The following DSCAML1 variants were observed in gnomAD, a reference collection of about 807,000 sequenced individuals.
The protein encoded by DSCAML1 is DS cell adhesion molecule like 1.
DSCAML1 carries 38 observed loss-of-function variants against 200.5 expected under a neutral mutation model. The ratio of observed to expected loss-of-function variants is 0.19; its 90% CI spans 0.15 to 0.25. The LOEUF is 0.25. DSCAML1 is among the 10% of genes least tolerant of loss of function. The pLI is 1.00. For synonymous variants in DSCAML1, 1,215 were observed against 1,165.0 expected, an observed-to-expected ratio of 1.04 and a Z score of -0.87; for missense variants, 2,223 against 2,858.8, an observed-to-expected ratio of 0.78 and a Z score of 5.07.
Position 117,469,182 on chromosome 11 carries a change from C to G in DSCAML1, c.3024+728G>C, listed in dbSNP as rs992299102. ...GGGATAAAAGTGCCTTCTCTCGCTGCTCCCCAGGAATGAGGAGAGGGTCAG... is the reference window on the plus strand; with the variant it reads ...GGGATAAAAGTGCCTTCTCTCGCTGGTCCCCAGGAATGAGGAGAGGGTCAG... On this transcript the variant is annotated intron_variant, in intron 16 of 32. Coordinates refer to ENST00000651296, the MANE Select transcript of DSCAML1 (RefSeq NM_020693.4). This position sits in a 1 kb window ranked among gnomAD's most constrained non-coding sequence, Gnocchi z 4.1. 2.6e-5 allele frequency among the ~76,000 whole-genome samples: 4 copies of G among 152,186 alleles called. No homozygotes were observed. Among genetic ancestry groups the G allele is most frequent in the Non-Finnish European group, 5.9e-5 (4 of 68,044 alleles).
chr11:117,446,701 G>A (rs948684420), intron 20 of DSCAML1, among the ~76,000 whole-genome samples: 1 of 152,182 alleles, frequency 6.6e-6, no homozygotes, highest in Non-Finnish European at 1.5e-5. Context: ...CAGCATAGGT[G>A]CAAAGGACAA....
chr11:117,783,145 C>T (rs906561333), intron 1 of DSCAML1, among the ~76,000 whole-genome samples: 2 of 152,138 alleles, frequency 1.3e-5, no homozygotes, highest in East Asian at 1.9e-4. Context: ...TTCCTGGGAG[C>T]GGTTTCTGTT....
intron 3 of DSCAML1, among the ~76,000 whole-genome samples, chr11:117,765,075 T>C (rs2054870471): frequency 6.6e-6 from 1 of 152,182 alleles, no homozygotes; most frequent in Non-Finnish European, 1.5e-5. Flanking sequence ...TCAGACATAC[T>C]TTGAGCCCCA....
chr11:117,482,215 G>C (rs1488455587), intron 11 of DSCAML1, 53 bp from the exon 12 acceptor site: 4 of 1,599,392 alleles, frequency 2.5e-6, no homozygotes, highest in Non-Finnish European at 3.4e-6. Context: ...CCAGCCTGGA[G>C]GAGGCACGCG....
intron 3 of DSCAML1, among the ~76,000 whole-genome samples, chr11:117,609,580 T>C (rs922014681): frequency 1.3e-5 from 2 of 152,176 alleles, no homozygotes; most frequent in African/African-American, 2.4e-5. Context: ...GTGCTGAGAT[T>C]ATAGGCATGA....
Position 117,722,311 on chromosome 11 carries a change from A to G in DSCAML1, c.511+54480T>C, listed in dbSNP as rs151304317. On this transcript the variant is annotated intron_variant, in intron 3 of 32. Transcript: ENST00000651296. ...TCTCACTCATATGGGGGAGCTAAAAAAAAAAAAAAAAAGTTGAGCTCACAG... is the reference window on the plus strand; with the variant it reads ...TCTCACTCATATGGGGGAGCTAAAAGAAAAAAAAAAAAGTTGAGCTCACAG... 2.2e-3 allele frequency among the ~76,000 whole-genome samples: 329 copies of G among 152,046 alleles called. 2 individuals carry two copies. Among genetic ancestry groups the G allele is most frequent in the East Asian group, 0.013 (69 of 5,174 alleles).
In DSCAML1 at chr11:117,695,321, T is replaced by C. The variant is rs539400325; in HGVS notation, c.511+81470A>G. 4.0e-4 allele frequency among the ~76,000 whole-genome samples: 60 copies of C among 148,826 alleles called. No individual in the cohort carries two copies. The East Asian group carries it at 7.2e-3, about 18-fold the overall frequency. ...CTTTTCTTTCTTTCTTTTTCTTTTT[T>C]TTTTTTTTTTTTTGCTAACCAACCT... is the stretch of plus-strand genomic sequence containing the variant. On this transcript the variant is annotated intron_variant, in intron 3 of 32. Coordinates refer to ENST00000651296, the MANE Select transcript of DSCAML1 (RefSeq NM_020693.4).
intron 3 of DSCAML1, among the ~76,000 whole-genome samples, chr11:117,540,219 G>C (rs1180796690): frequency 2.8e-4 from 42 of 152,216 alleles, no homozygotes; most frequent in Non-Finnish European, 1.5e-5. Context: ...CTGGGCCTCA[G>C]AGCTGGAGGT....
At chr11:117,428,864 C>T (rs2047723760) in intron 32 of DSCAML1, 61 bp from the exon 33 acceptor site, 3 of 1,454,584 alleles carry the variant, frequency 2.1e-6, no homozygotes, top group Non-Finnish European at 2.8e-6. Flanking sequence ...GCAGCTCGTT[C>T]AGCCCCCACC....
At chr11:117,733,416 C>T (rs1428947958) in intron 3 of DSCAML1, among the ~76,000 whole-genome samples, 2 of 152,094 alleles carry the variant, frequency 1.3e-5, no homozygotes, top group Non-Finnish European at 2.9e-5. Flanking sequence ...ATTTTTGGCC[C>T]TGTGAACAGC....
chr11:117,526,503 A>C, intron 4 of DSCAML1, among the ~76,000 whole-genome samples: 1 of 150,936 alleles, frequency 6.6e-6, no homozygotes. Context: ...TTTTCAAAGA[A>C]CTCCCTGCTA....
chr11:117,467,194 CCTCCCCCCT>C (rs2048598667), intron 16 of DSCAML1, among the ~76,000 whole-genome samples: 1 of 89,592 alleles, frequency 1.1e-5, no homozygotes, highest in African/African-American at 7.5e-5. Context: ...TGCACACACA[CCTCCCCCCT>C]CCCCCCGCCG....
intron 3 of DSCAML1, among the ~76,000 whole-genome samples, chr11:117,593,138 C>T (rs573628550): frequency 9.2e-5 from 14 of 152,234 alleles, no homozygotes; most frequent in Non-Finnish European, 1.2e-4. Flanking sequence ...GGGGCATAGG[C>T]CCAGCTCCTC....
intron 1 of DSCAML1, among the ~76,000 whole-genome samples, chr11:117,793,657 G>T (rs1410648428): frequency 6.6e-6 from 1 of 152,102 alleles, no homozygotes. Flanking sequence ...AGCTCTCCCT[G>T]GGCCAAAGCC....
intron 3 of DSCAML1, among the ~76,000 whole-genome samples, chr11:117,618,745 A>AG (rs1326716459): frequency 6.6e-6 from 1 of 151,558 alleles, no homozygotes. Flanking sequence ...GCAGGGAGGG[A>AG]GGGGGATGCA....
rs898546083 is a variant in DSCAML1, at chr11:117,755,965, G to A, written c.511+20826C>T. Reference sequence around the variant, plus strand: ...CTGGGAGAAGGACGGTTCTGCTGTCGGGTAATACCAACAGAGGAAAAGAGG... The same window carrying A: ...CTGGGAGAAGGACGGTTCTGCTGTCAGGTAATACCAACAGAGGAAAAGAGG... On this transcript the variant is annotated intron_variant, in intron 3 of 32. Transcript: ENST00000651296. Among the ~76,000 whole-genome samples the A allele has an allele frequency of 9.2e-5, 14 of 152,100 alleles. No individual in the cohort carries two copies. In the South Asian group the frequency reaches 1.0e-3, roughly 11 times the overall value.
At chr11:117,697,509 T>C (rs1297739955) in intron 3 of DSCAML1, among the ~76,000 whole-genome samples, 2 of 152,206 alleles carry the variant, frequency 1.3e-5, no homozygotes, top group Non-Finnish European at 2.9e-5. Flanking sequence ...TACATTTATA[T>C]TGTTGTGCAA....
At chr11:117,663,029 C>T (rs7110820) in intron 3 of DSCAML1, among the ~76,000 whole-genome samples, 1 of 67,452 alleles carries the variant, frequency 1.5e-5, no homozygotes, top group South Asian at 4.2e-4. Flanking sequence ...CATCCACTTG[C>T]CCCCCGGAGA....
intron 3 of DSCAML1, among the ~76,000 whole-genome samples, chr11:117,750,485 T>C (rs2054589384): frequency 6.6e-6 from 1 of 152,138 alleles, no homozygotes; most frequent in African/African-American, 2.4e-5. Flanking sequence ...TGCAGGCACA[T>C]GTGTTGGGCA....
Sources: gnomAD v4.1 joint callset for allele counts (sites outside exome capture counted in the v4.1 genomes callset) on GRCh38, gnomAD v4.1.1 for gene constraint, Gnocchi (gnomAD v3.1) non-coding constraint, MANE v1.5 for transcripts, NCBI Gene and HGNC (gene_info 2026-07-23, HGNC 2026-07-21) for gene names.